Variants in SORCS2 observed in about 807,000 individuals in gnomAD.
SORCS2 encodes the protein sortilin related VPS10 domain containing receptor 2.
Under a neutral mutation model 141.6 loss-of-function variants are expected in SORCS2, and 100 were observed. That is an observed-to-expected ratio of 0.71 (90% CI 0.60 to 0.83). SORCS2 has a LOEUF of 0.83. Among genes scored for constraint, SORCS2 ranks in the 40% least tolerant of loss-of-function variants. The probability of loss-of-function intolerance (pLI) is 0.00; values close to 1 mark genes in which losing one functional copy is unlikely to be tolerated. For synonymous variants in SORCS2, 789 were observed against 676.9 expected, an observed-to-expected ratio of 1.17 and a Z score of -2.57; for missense variants, 1,646 against 1,560.2, an observed-to-expected ratio of 1.05 and a Z score of -0.93.
At chr4:7,387,979 T>TACACATGC (rs1316649842) in intron 1 of SORCS2, among the ~76,000 whole-genome samples, 2 of 134,190 alleles carry the variant, frequency 1.5e-5, no homozygotes, top group Admixed American at 7.4e-5. Flanking sequence ...TACACAGAGA[T>TACACATGC]ACACATGCAC....
chr4:7,311,722 G>A (rs1718196022), intron 1 of SORCS2, among the ~76,000 whole-genome samples: 1 of 152,056 alleles, frequency 6.6e-6, no homozygotes, highest in Non-Finnish European at 1.5e-5. Flanking sequence ...AGAATCCTTT[G>A]TCATTTTAAA....
At chr4:7,416,881 CACAT>C (rs1560267044) in intron 2 of SORCS2, among the ~76,000 whole-genome samples, 3 of 152,260 alleles carry the variant, frequency 2.0e-5, no homozygotes, top group Middle Eastern at 3.4e-3. Context: ...CTCAGACACA[CACAT>C]ATGCATGCAC....
chr4:7,502,642 A>G (rs962360709), intron 2 of SORCS2, among the ~76,000 whole-genome samples: 3 of 152,208 alleles, frequency 2.0e-5, no homozygotes, highest in African/African-American at 7.2e-5. Flanking sequence ...TGTCTGGGAC[A>G]GGAGTACACG....
chr4:7,499,988 G>C (rs1325321365), intron 2 of SORCS2, among the ~76,000 whole-genome samples: 1 of 152,168 alleles, frequency 6.6e-6, no homozygotes, highest in Non-Finnish European at 1.5e-5. Flanking sequence ...GGCCGCATCA[G>C]TCCATTCACT....
chr4:7,603,418 G>A (rs75728060), intron 3 of SORCS2, among the ~76,000 whole-genome samples: 658 of 152,256 alleles, frequency 4.3e-3, no homozygotes, highest in Middle Eastern at 6.8e-3. Flanking sequence ...TTTCTGTGCT[G>A]TGATTCTTGG....
chr4:7,217,989 G>A (rs1190154961), intron 1 of SORCS2, among the ~76,000 whole-genome samples: 2 of 152,172 alleles, frequency 1.3e-5, no homozygotes, highest in African/African-American at 2.4e-5. Flanking sequence ...ATGCTGGACA[G>A]GCCATTGCAC....
intron 19 of SORCS2, among the ~76,000 whole-genome samples, chr4:7,724,874 G>A (rs1315155116): frequency 8.5e-6 from 1 of 117,562 alleles, no homozygotes; most frequent in African/African-American, 3.3e-5. Context: ...GGTGGTAGTG[G>A]TGATGGTGGT....
chr4:7,508,551 T>G (rs1416317762), intron 2 of SORCS2, among the ~76,000 whole-genome samples: 1 of 152,130 alleles, frequency 6.6e-6, no homozygotes, highest in Admixed American at 6.5e-5. Context: ...TTGGCCAGGC[T>G]GGTCTCAAAC....
At chr4:7,731,181 G>C (rs1711643367) in intron 23 of SORCS2, among the ~76,000 whole-genome samples, 1 of 152,160 alleles carries the variant, frequency 6.6e-6, no homozygotes, top group African/African-American at 2.4e-5. Context: ...AAAATTAAAA[G>C]CAGAATAAAC....
chr4:7,545,027 T>C (rs1473127956), intron 3 of SORCS2, among the ~76,000 whole-genome samples: 1 of 152,180 alleles, frequency 6.6e-6, no homozygotes, highest in East Asian at 1.9e-4. Flanking sequence ...ATTGGGCTTG[T>C]TGGTATACAG....
At chr4:7,722,275 T>C (rs1726643471) in intron 18 of SORCS2, among the ~76,000 whole-genome samples, 1 of 152,076 alleles carries the variant, frequency 6.6e-6, no homozygotes, top group South Asian at 2.1e-4. Context: ...CTTGAGCGCT[T>C]CCCCTCATTC....
chr4:7,650,949 C>G (rs1234767655), intron 4 of SORCS2, among the ~76,000 whole-genome samples: 1 of 152,130 alleles, frequency 6.6e-6, no homozygotes, highest in East Asian at 1.9e-4. Context: ...AGTCCATCCT[C>G]CCTTGAGAAA....
intron 9 of SORCS2, among the ~76,000 whole-genome samples, chr4:7,677,754 C>T (rs1050960313): frequency 2.0e-5 from 3 of 152,186 alleles, no homozygotes; most frequent in Admixed American, 6.5e-5. Context: ...AATAATAACC[C>T]ATTTGTCAGG....
At chr4:7,589,174 C>T (rs143450377) in intron 3 of SORCS2, among the ~76,000 whole-genome samples, 8 of 152,296 alleles carry the variant, frequency 5.3e-5, no homozygotes, top group African/African-American at 1.9e-4. Flanking sequence ...TGGTAGAAGC[C>T]TGCAAAGTCT....
chr4:7,686,443 G>A (rs369814496), intron 10 of SORCS2, among the ~76,000 whole-genome samples: 9 of 152,150 alleles, frequency 5.9e-5, no homozygotes, highest in East Asian at 1.9e-4. Context: ...TGTGCCAAAC[G>A]GACAGAGAAG....
At position 7,735,664 on chromosome 4, in the gene SORCS2, A is replaced by G. The variant is rs1020754193; in HGVS notation, c.3311+1290A>G. Reference sequence around the variant, plus strand: ...GTCCTGTGGTCTTTCCCAAGTTCCAAACTCAGAGAGGCACTGGCTTCCGAA... The same window carrying G: ...GTCCTGTGGTCTTTCCCAAGTTCCAGACTCAGAGAGGCACTGGCTTCCGAA... On this transcript the variant is annotated intron_variant, in intron 25 of 26. Transcript: ENST00000507866. Among the ~76,000 whole-genome samples, 3 of 152,172 alleles carry G rather than the reference A, an allele frequency of 2.0e-5. No homozygotes were observed. The East Asian group carries it at 5.8e-4, about 29-fold the overall frequency.
chr4:7,497,207 T>G (rs747419539), intron 2 of SORCS2, among the ~76,000 whole-genome samples: 10 of 152,168 alleles, frequency 6.6e-5, no homozygotes, highest in Non-Finnish European at 1.5e-4. Flanking sequence ...GTTGGTGCAT[T>G]TAAGGGCTAA....
At chr4:7,287,330 C>T (rs1168838727) in intron 1 of SORCS2, among the ~76,000 whole-genome samples, 1 of 152,208 alleles carries the variant, frequency 6.6e-6, no homozygotes, top group Non-Finnish European at 1.5e-5. Context: ...TGTACCCTGT[C>T]CCTCCTGGGT....
intron 4 of SORCS2, among the ~76,000 whole-genome samples, chr4:7,643,085 A>G (rs1720849468): frequency 6.6e-6 from 1 of 152,106 alleles, no homozygotes; most frequent in Non-Finnish European, 1.5e-5. Flanking sequence ...CCCTGCCTCC[A>G]GCAAACACCT....
Sources: gnomAD v4.1 joint callset for allele counts (sites outside exome capture counted in the v4.1 genomes callset) on GRCh38, gnomAD v4.1.1 for gene constraint, MANE v1.5 for transcripts, NCBI Gene and HGNC (gene_info 2026-07-23, HGNC 2026-07-21) for gene names.